Variants in BCKDHB observed in about 807,000 individuals in gnomAD.
The protein encoded by BCKDHB is 2-oxoisovalerate dehydrogenase subunit beta, mitochondrial.
BCKDHB carries 41 observed loss-of-function variants against 48.5 expected under a neutral mutation model. The ratio of observed to expected loss-of-function variants is 0.85; its 90% CI spans 0.66 to 1.10. BCKDHB has a LOEUF of 1.10. BCKDHB is among the 50% of genes least tolerant of loss of function. The pLI, the probability that BCKDHB is intolerant of heterozygous loss-of-function variation, is 0.00. For missense variants in BCKDHB, 496 were observed against 494.2 expected (o/e 1.00, Z -0.03); for synonymous variants, 201 against 174.8 (o/e 1.15, Z -1.18).
chr6:80,164,646 T>C (rs1346694439), intron 3 of BCKDHB, among the ~76,000 whole-genome samples: 2 of 152,246 alleles, frequency 1.3e-5, no homozygotes, highest in Non-Finnish European at 2.9e-5. Context: ...AAAACATTTG[T>C]TGAATAAATG....
At chr6:80,176,231 G>A (rs1353095127) in intron 6 of BCKDHB, among the ~76,000 whole-genome samples, 2 of 152,138 alleles carry the variant, frequency 1.3e-5, no homozygotes, top group African/African-American at 4.8e-5. Flanking sequence ...TTCTTTTCTG[G>A]TATTAATGGA....
chr6:80,113,329 C>G (rs1319660195), intron 1 of BCKDHB, among the ~76,000 whole-genome samples: 1 of 152,168 alleles, frequency 6.6e-6, no homozygotes, highest in Non-Finnish European at 1.5e-5. Flanking sequence ...TGGCCAGTTG[C>G]CCACAATTAT....
chr6:80,438,588 C>G, the BCKDHB span, among the ~76,000 whole-genome samples: 5 of 152,214 alleles, frequency 3.3e-5, no homozygotes, highest in East Asian at 9.6e-4. Context: ...TCCTCATACC[C>G]TCATCAGCAC....
chr6:80,389,685 T>C, the BCKDHB span, among the ~76,000 whole-genome samples: 4 of 152,196 alleles, frequency 2.6e-5, no homozygotes, highest in Non-Finnish European at 5.9e-5. Context: ...GTCCCCATTA[T>C]CCTAAAGTAG....
chr6:80,295,764 C>A (rs554593834), intron 9 of BCKDHB, among the ~76,000 whole-genome samples: 27 of 152,184 alleles, frequency 1.8e-4, no homozygotes, highest in Admixed American at 4.6e-4. Flanking sequence ...GGGAACTCCT[C>A]TTTATAAAAC....
At chr6:80,326,875 G>GA (rs1175796998) in intron 9 of BCKDHB, among the ~76,000 whole-genome samples, 3 of 149,906 alleles carry the variant, frequency 2.0e-5, no homozygotes, top group Admixed American at 6.6e-5. Flanking sequence ...CAAAAGAAAA[G>GA]AAAAAAAAAG....
At chr6:80,160,655 A>G (rs527306046) in intron 3 of BCKDHB, among the ~76,000 whole-genome samples, 3 of 152,350 alleles carry the variant, frequency 2.0e-5, no homozygotes, top group South Asian at 4.1e-4. Context: ...CAGATGGTGT[A>G]CTGCCAGTGA....
At chr6:80,466,412 A>T in the BCKDHB span, among the ~76,000 whole-genome samples, 1 of 152,194 alleles carries the variant, frequency 6.6e-6, no homozygotes, top group Non-Finnish European at 1.5e-5. Flanking sequence ...CATTGCCATA[A>T]GAGGTAAGTA....
At chr6:80,194,886 A>G (rs376296935) in intron 6 of BCKDHB, among the ~76,000 whole-genome samples, 7 of 152,146 alleles carry the variant, frequency 4.6e-5, no homozygotes, top group African/African-American at 1.4e-4. Flanking sequence ...TCCTTTTGCC[A>G]TAATACTCAG....
chr6:80,120,374 C>A (rs1769941544), intron 1 of BCKDHB, among the ~76,000 whole-genome samples: 1 of 151,966 alleles, frequency 6.6e-6, no homozygotes, highest in Non-Finnish European at 1.5e-5. Flanking sequence ...TGGATATATA[C>A]CCAGTAATGG....
At chr6:80,295,600 C>G (rs1767189745) in intron 9 of BCKDHB, among the ~76,000 whole-genome samples, 1 of 140,352 alleles carries the variant, frequency 7.1e-6, no homozygotes. Flanking sequence ...TAACCAGTTT[C>G]TCCAATTGTG....
At chr6:80,288,847 T>C (rs1019588881) in intron 9 of BCKDHB, among the ~76,000 whole-genome samples, 1 of 152,100 alleles carries the variant, frequency 6.6e-6, no homozygotes, top group African/African-American at 2.4e-5. Context: ...TAAGGGTTGA[T>C]TTTCATTGCC....
intron 9 of BCKDHB, among the ~76,000 whole-genome samples, chr6:80,277,106 A>G (rs1413283925): frequency 6.6e-6 from 1 of 152,050 alleles, no homozygotes; most frequent in Non-Finnish European, 1.5e-5. Context: ...GACACATACT[A>G]TAACTTAAAA....
chr6:80,134,889 T>C (rs1226365722), intron 3 of BCKDHB, among the ~76,000 whole-genome samples: 3 of 151,924 alleles, frequency 2.0e-5, no homozygotes, highest in African/African-American at 7.3e-5. Flanking sequence ...GTAGCTGGGA[T>C]AATAGGCATA....
At chr6:80,187,698 AT>A (rs1261279092) in intron 6 of BCKDHB, among the ~76,000 whole-genome samples, 4 of 152,164 alleles carry the variant, frequency 2.6e-5, no homozygotes, top group African/African-American at 9.7e-5. Flanking sequence ...AAGAAAGACA[AT>A]CATGTAGCCA....
chr6:80,434,171 A>G, the BCKDHB span, among the ~76,000 whole-genome samples: 2 of 152,176 alleles, frequency 1.3e-5, no homozygotes, highest in East Asian at 3.9e-4. Context: ...TTCATACATA[A>G]TCACACTTGA....
the BCKDHB span, among the ~76,000 whole-genome samples, chr6:80,394,045 CCAG>C: frequency 6.6e-6 from 1 of 152,216 alleles, no homozygotes; most frequent in African/African-American, 2.4e-5. Context: ...CTTATAGAAT[CCAG>C]TGTTATTTTT....
the BCKDHB span, among the ~76,000 whole-genome samples, chr6:80,449,504 A>T: frequency 3.9e-5 from 6 of 152,220 alleles, no homozygotes; most frequent in Non-Finnish European, 7.3e-5. Flanking sequence ...AGTAATTAAT[A>T]CATAAAAATG....
chr6:80,420,715 C>T, the BCKDHB span, among the ~76,000 whole-genome samples: 15 of 152,236 alleles, frequency 9.9e-5, no homozygotes, highest in Middle Eastern at 6.8e-3. Context: ...TACTCCTGTC[C>T]CTTCTCCTTG....
Sources: gnomAD v4.1 joint callset for allele counts (sites outside exome capture counted in the v4.1 genomes callset) on GRCh38, gnomAD v4.1.1 for gene constraint, MANE v1.5 for transcripts, NCBI Gene and HGNC (gene_info 2026-07-23, HGNC 2026-07-21) for gene names.